Variants in SCN2A observed in about 807,000 individuals in gnomAD.
The protein encoded by SCN2A is sodium channel protein type 2 subunit alpha.
Under a neutral mutation model 188.7 loss-of-function variants are expected in SCN2A, and 20 were observed. The ratio of observed to expected loss-of-function variants is 0.11; its 90% CI spans 0.07 to 0.15. The LOEUF is 0.15. Among genes scored for constraint, SCN2A ranks in the 10% least tolerant of loss-of-function variants. The pLI is 1.00. For missense variants in SCN2A, 1,278 were observed against 2,445.0 expected (o/e 0.52, Z 10.07); for synonymous variants, 804 against 833.1 (o/e 0.97, Z 0.60).
At chr2:165,333,742 A>G (rs189157106) in intron 14 of SCN2A, among the ~76,000 whole-genome samples, 1 of 151,828 alleles carries the variant, frequency 6.6e-6, no homozygotes, top group East Asian at 1.9e-4. Flanking sequence ...TAAACTAGAT[A>G]AAGAATAGCA....
intron 1 of SCN2A, among the ~76,000 whole-genome samples, chr2:165,243,517 G>A (rs573696048): frequency 7.1e-4 from 108 of 151,510 alleles, no homozygotes; most frequent in African/African-American, 2.3e-3. Flanking sequence ...CAGGAGAATC[G>A]CTTGAACCTG....
intron 3 of SCN2A, among the ~76,000 whole-genome samples, chr2:165,304,394 C>T (rs1027568894): frequency 1.3e-5 from 2 of 152,094 alleles, no homozygotes. Context: ...GGCACCTGGC[C>T]AACAATATAT....
At chr2:165,278,576 T>G (rs1055041659) in intron 1 of SCN2A, among the ~76,000 whole-genome samples, 4 of 152,140 alleles carry the variant, frequency 2.6e-5, no homozygotes, top group African/African-American at 9.7e-5. Context: ...GATTACCATT[T>G]AAGATGAGAT....
At chr2:165,267,037 A>G (rs530393857) in intron 1 of SCN2A, 6 of 152,226 alleles carry the variant, frequency 3.9e-5, no homozygotes, top group African/African-American at 1.4e-4. Context: ...ATCCCGTGTT[A>G]ACGAGTGGAA....
chr2:165,272,742 A>T (rs986577029), intron 1 of SCN2A: 1 of 151,286 alleles, frequency 6.6e-6, no homozygotes. Context: ...TAAATAATCA[A>T]TCCATGGATC....
At chr2:165,249,739 C>T (rs1035464929) in intron 1 of SCN2A, among the ~76,000 whole-genome samples, 6 of 152,116 alleles carry the variant, frequency 3.9e-5, no homozygotes, top group South Asian at 2.1e-4. Flanking sequence ...TGTTCTAAAT[C>T]TCAGCTTAAG....
chr2:165,256,448 T>C (rs1574448469), intron 1 of SCN2A, among the ~76,000 whole-genome samples: 2 of 152,196 alleles, frequency 1.3e-5, no homozygotes, highest in East Asian at 3.8e-4. Context: ...TTACTATCTT[T>C]AATGATAGCA....
At chr2:165,302,849 T>G (rs940092222) in intron 3 of SCN2A, among the ~76,000 whole-genome samples, 2 of 152,222 alleles carry the variant, frequency 1.3e-5, no homozygotes, top group African/African-American at 2.4e-5. Flanking sequence ...ACTAAAAACT[T>G]GAAGAAGTGT....
intron 20 of SCN2A, chr2:165,372,436 A>G (rs1701085992): frequency 6.6e-6 from 1 of 152,050 alleles, no homozygotes; most frequent in African/African-American, 2.4e-5. Context: ...CTGCTTTTGA[A>G]ATTCAGGTGT....
At chr2:165,313,495 G>GT in intron 8 of SCN2A, 125 bp from the exon 9 acceptor site, 1 of 979,378 alleles carries the variant, frequency 1.0e-6, no homozygotes, top group South Asian at 1.3e-5. Flanking sequence ...TACTGGGTAA[G>GT]GTGAGAGAAA....
At chr2:165,328,134 C>T (rs1490617363) in intron 13 of SCN2A, 1 of 152,088 alleles carries the variant, frequency 6.6e-6, no homozygotes, top group Non-Finnish European at 1.5e-5. Flanking sequence ...TGTCTGTATG[C>T]AAAGATCCCA....
At chr2:165,353,890 GT>G (rs956887144) in intron 16 of SCN2A, among the ~76,000 whole-genome samples, 3 of 151,346 alleles carry the variant, frequency 2.0e-5, no homozygotes, top group South Asian at 4.2e-4. Flanking sequence ...AAATAAAAGG[GT>G]TTTTTTTGTA....
chr2:165,319,384 T>C (rs1378419530), intron 11 of SCN2A, among the ~76,000 whole-genome samples: 1 of 152,036 alleles, frequency 6.6e-6, no homozygotes, highest in Admixed American at 6.6e-5. Context: ...CTGTAAATAA[T>C]GAATAGAATC....
At chr2:165,308,573 C>T in intron 4 of SCN2A, 93 bp from the exon 5 acceptor site, 1 of 1,396,686 alleles carries the variant, frequency 7.2e-7, no homozygotes, top group Non-Finnish European at 1.0e-6. Flanking sequence ...CTGGAAGTGT[C>T]TAATTTTTGT....
chr2:165,372,588 C>CTA (rs1416831143), intron 20 of SCN2A: 2 of 151,664 alleles, frequency 1.3e-5, no homozygotes, highest in East Asian at 3.9e-4. Context: ...CATTAGTCAA[C>CTA]TGTATGAATA....
intron 26 of SCN2A, 135 bp downstream of exon 26, chr2:165,387,151 T>C: frequency 1.1e-6 from 1 of 894,470 alleles, no homozygotes; most frequent in Non-Finnish European, 1.7e-6. Flanking sequence ...TCCATTGTTT[T>C]AGTTTTAGTT....
chr2:165,300,661 G>A (rs996948509), intron 3 of SCN2A, among the ~76,000 whole-genome samples: 1 of 152,154 alleles, frequency 6.6e-6, no homozygotes, highest in African/African-American at 2.4e-5. Context: ...TTAACAATCA[G>A]CAAGGAGACC....
At chr2:165,350,932 A>C (rs992124253) in intron 16 of SCN2A, among the ~76,000 whole-genome samples, 2 of 152,196 alleles carry the variant, frequency 1.3e-5, no homozygotes, top group Non-Finnish European at 2.9e-5. Flanking sequence ...TGTGGAGGAT[A>C]AGTTGGATAA....
intron 1 of SCN2A, among the ~76,000 whole-genome samples, chr2:165,260,989 A>AT (rs1292915592): frequency 6.6e-6 from 1 of 150,598 alleles, no homozygotes; most frequent in Non-Finnish European, 1.5e-5. Context: ...AAAAAAAAAA[A>AT]GGTATGTGTG....
Sources: allele counts gnomAD v4.1 joint callset (sites outside exome capture counted in the v4.1 genomes callset), GRCh38; gene constraint gnomAD v4.1.1; transcripts MANE v1.5; gene names NCBI Gene and HGNC (gene_info 2026-07-23, HGNC 2026-07-21).